Variants in MAML3 observed in about 807,000 individuals in gnomAD.
MAML3 encodes the protein mastermind-like protein 3.
In MAML3, 27 loss-of-function variants were observed where a neutral mutation model predicts 101.9. That is an observed-to-expected ratio of 0.27 (90% CI 0.20 to 0.37). The LOEUF (loss-of-function observed/expected upper bound fraction) is 0.37. Among genes scored for constraint, MAML3 ranks in the 10% least tolerant of loss-of-function variants. The pLI, the probability that MAML3 is intolerant of heterozygous loss-of-function variation, is 1.00. For synonymous variants in MAML3, 501 were observed against 555.9 expected (o/e 0.90, Z 1.39); for missense variants, 1,316 against 1,444.9 (o/e 0.91, Z 1.45).
At chr4:140,120,094 G>A (rs977711018) in intron 1 of MAML3, among the ~76,000 whole-genome samples, 19 of 151,974 alleles carry the variant, frequency 1.3e-4, no homozygotes, top group African/African-American at 3.9e-4. Flanking sequence ...AAAATTAGCC[G>A]GGCGTGGTGG....
chr4:139,917,808 G>A (rs528632139), intron 1 of MAML3, among the ~76,000 whole-genome samples: 2 of 152,244 alleles, frequency 1.3e-5, no homozygotes, highest in East Asian at 3.9e-4. Flanking sequence ...TTATTGGGTG[G>A]AAAGTAGGAG....
intron 2 of MAML3, among the ~76,000 whole-genome samples, chr4:139,859,227 ATT>A (rs61061197): frequency 3.5e-4 from 48 of 135,462 alleles, no homozygotes; most frequent in African/African-American, 6.5e-4. Flanking sequence ...GTTCTACTAC[ATT>A]TTTTTTTTTT....
chr4:140,140,038 T>C lies in MAML3; in HGVS notation c.468+12822A>G, dbSNP rs150435055. 2.4e-3 allele frequency among the ~76,000 whole-genome samples: 359 copies of C among 152,290 alleles called. 1 individual carries two copies. Among genetic ancestry groups the C allele is most frequent in the Middle Eastern group, 0.01 (3 of 294 alleles). On this transcript the variant is annotated intron_variant, in intron 1 of 4. Coordinates refer to ENST00000509479, the MANE Select transcript of MAML3 (RefSeq NM_018717.5). The stretch of plus-strand genomic sequence containing the variant: ...GCAGCACCTTTAAGAATCTCTTTAT[T>C]TGGGGCCGGACGCGGTGGCTCACGC...
chr4:139,756,855 T>C lies in MAML3; in HGVS notation c.2080-26188A>G, dbSNP rs558218047. Among the ~76,000 whole-genome samples the C allele has an allele frequency of 2.6e-5, 4 of 152,134 alleles. No homozygotes were observed. The South Asian group carries it at 8.3e-4, about 32-fold the overall frequency. On this transcript the variant is annotated intron_variant, in intron 2 of 4. Transcript: ENST00000509479. ...TTTGCAAAGCCAAAACCCCTGCCCT[T>C]CTCCCTAACATTTTTATGGAGGTTC...
intron 1 of MAML3, among the ~76,000 whole-genome samples, chr4:140,140,266 G>T (rs1431716317): frequency 6.6e-6 from 1 of 152,152 alleles, no homozygotes; most frequent in Non-Finnish European, 1.5e-5. Context: ...AGAGGTTGTA[G>T]TGAGCGAAGA....
At chr4:140,131,784 T>G (rs1728798778) in intron 1 of MAML3, among the ~76,000 whole-genome samples, 2 of 152,124 alleles carry the variant, frequency 1.3e-5, no homozygotes, top group South Asian at 4.1e-4. Context: ...CAGCAATCAG[T>G]CTACTGCTGT....
rs374935238 is a variant in MAML3, at chr4:139,837,312, C to T, written c.2079+52045G>A. Among the ~76,000 whole-genome samples, 73 of 151,288 alleles carry T rather than the reference C, an allele frequency of 4.8e-4. 1 individual carries two copies. Among genetic ancestry groups the T allele is most frequent in the East Asian group, 2.6e-3 (13 of 5,070 alleles). On this transcript the variant is annotated intron_variant, in intron 2 of 4. Coordinates refer to ENST00000509479, the MANE Select transcript of MAML3 (RefSeq NM_018717.5). ...GAGATCGAGACCATCCTGGCTAACA[C>T]GGTGAAACCCTGTCTTTACTAAAAA...
chr4:139,736,826 T>C (rs2111010207), intron 2 of MAML3, among the ~76,000 whole-genome samples: 1 of 152,314 alleles, frequency 6.6e-6, no homozygotes, highest in South Asian at 2.1e-4. Flanking sequence ...TTGGGGCAAA[T>C]AATCCTGTGC....
chr4:139,889,193 T>C (rs768965225), intron 2 of MAML3, 164 bp downstream of exon 2: 1 of 1,324,002 alleles, frequency 7.6e-7, no homozygotes, highest in Non-Finnish European at 1.1e-6. Context: ...TTAGGAGAAA[T>C]GGAAAAAGAA....
intron 1 of MAML3, among the ~76,000 whole-genome samples, chr4:140,084,836 G>A (rs1178043157): frequency 2.0e-5 from 3 of 152,180 alleles, no homozygotes; most frequent in African/African-American, 7.2e-5. Flanking sequence ...TCAAGGTTTT[G>A]TCAAACGATG....
chr4:139,977,112 G>A (rs1039785491), intron 1 of MAML3, among the ~76,000 whole-genome samples: 2 of 152,114 alleles, frequency 1.3e-5, no homozygotes, highest in African/African-American at 4.8e-5. Context: ...GAGACATGCA[G>A]CAAGAAGGCA....
At chr4:140,046,889 A>G (rs1727192472) in intron 1 of MAML3, among the ~76,000 whole-genome samples, 1 of 152,120 alleles carries the variant, frequency 6.6e-6, no homozygotes, top group Non-Finnish European at 1.5e-5. Context: ...TTTTGCAGAG[A>G]GGCTCGTGTG....
intron 2 of MAML3, among the ~76,000 whole-genome samples, chr4:139,857,028 G>A (rs1217697894): frequency 6.6e-6 from 1 of 152,130 alleles, no homozygotes; most frequent in African/African-American, 2.4e-5. Flanking sequence ...AATTAGCATA[G>A]GCATAATGAA....
At chr4:140,010,091 T>C (rs1227235831) in intron 1 of MAML3, among the ~76,000 whole-genome samples, 2 of 152,210 alleles carry the variant, frequency 1.3e-5, no homozygotes, top group Admixed American at 1.3e-4. Flanking sequence ...CCCTTACATG[T>C]ATGAGAGTAC....
intron 2 of MAML3, among the ~76,000 whole-genome samples, chr4:139,807,429 G>A (rs1730721004): frequency 6.6e-6 from 1 of 152,066 alleles, no homozygotes; most frequent in South Asian, 2.1e-4. Context: ...CCATATGCAG[G>A]AGCCATCTTT....
At chr4:140,015,241 A>C (rs1726623279) in intron 1 of MAML3, among the ~76,000 whole-genome samples, 1 of 152,218 alleles carries the variant, frequency 6.6e-6, no homozygotes, top group African/African-American at 2.4e-5. Flanking sequence ...TCAGAAAAAG[A>C]AAAGCAAAGT....
chr4:139,826,035 AG>A, intron 2 of MAML3, among the ~76,000 whole-genome samples: 1 of 152,142 alleles, frequency 6.6e-6, no homozygotes, highest in African/African-American at 2.4e-5. Context: ...TGTGGGAGGA[AG>A]GGGGTATCTG....
chr4:139,774,749 C>T (rs945767695), intron 2 of MAML3, among the ~76,000 whole-genome samples: 1 of 152,174 alleles, frequency 6.6e-6, no homozygotes, highest in Non-Finnish European at 1.5e-5. Context: ...GTGAATTATT[C>T]TAAACCATGA....
chr4:139,963,973 G>T (rs969308956), intron 1 of MAML3, among the ~76,000 whole-genome samples: 1 of 152,064 alleles, frequency 6.6e-6, no homozygotes, highest in Non-Finnish European at 1.5e-5. Context: ...CATCCAAAAT[G>T]GTAAGATAGG....
Sources: gnomAD v4.1 joint callset for allele counts (sites outside exome capture counted in the v4.1 genomes callset) on GRCh38, gnomAD v4.1.1 for gene constraint, MANE v1.5 for transcripts, NCBI Gene and HGNC (gene_info 2026-07-23, HGNC 2026-07-21) for gene names.